The following ARHGAP15 variants were observed in gnomAD, a reference collection of about 807,000 sequenced individuals.
ARHGAP15 encodes Rho GTPase activating protein 15.
In ARHGAP15, 51 loss-of-function variants were observed where a neutral mutation model predicts 63.7. The ratio of observed to expected loss-of-function variants is 0.80; its 90% CI spans 0.64 to 1.01. ARHGAP15 has a LOEUF of 1.01. ARHGAP15 is among the 50% of genes least tolerant of loss of function. The probability of loss-of-function intolerance (pLI) is 0.00; values close to 1 mark genes in which losing one functional copy is unlikely to be tolerated. For missense variants in ARHGAP15, 560 were observed against 564.6 expected, an observed-to-expected ratio of 0.99 and a Z score of 0.08; for synonymous variants, 191 against 193.8, an observed-to-expected ratio of 0.99 and a Z score of 0.12.
intron 13 of ARHGAP15, among the ~76,000 whole-genome samples, chr2:143,733,254 A>G (rs1313868497): frequency 6.6e-6 from 1 of 152,178 alleles, no homozygotes; most frequent in Non-Finnish European, 1.5e-5. Flanking sequence ...GTCTAAGACA[A>G]GTTCTCAAGG....
At chr2:143,252,252 TTATG>T (rs2104983146) in intron 6 of ARHGAP15, among the ~76,000 whole-genome samples, 1 of 152,106 alleles carries the variant, frequency 6.6e-6, no homozygotes, top group African/African-American at 2.4e-5. Context: ...GATGAAAAAA[TTATG>T]TATATTTTTA....
intron 6 of ARHGAP15, among the ~76,000 whole-genome samples, chr2:143,341,950 C>T (rs1396198388): frequency 1.3e-5 from 2 of 152,066 alleles, no homozygotes; most frequent in African/African-American, 4.8e-5. Context: ...TATATAGTTT[C>T]AAACTTAAGA....
At chr2:143,666,095 G>A (rs1406661765) in intron 12 of ARHGAP15, among the ~76,000 whole-genome samples, 1 of 149,362 alleles carries the variant, frequency 6.7e-6, no homozygotes, top group African/African-American at 2.4e-5. Flanking sequence ...AACCAAAAAA[G>A]AGCCCACATC....
At chr2:143,290,220 G>A (rs1358474285) in intron 6 of ARHGAP15, among the ~76,000 whole-genome samples, 1 of 152,126 alleles carries the variant, frequency 6.6e-6, no homozygotes, top group Non-Finnish European at 1.5e-5. Context: ...TGAAAGTGAG[G>A]TGGTTGGGGT....
chr2:143,539,189 G>T (rs908882045), intron 10 of ARHGAP15, among the ~76,000 whole-genome samples: 1 of 152,188 alleles, frequency 6.6e-6, no homozygotes, highest in Non-Finnish European at 1.5e-5. Flanking sequence ...AGCATTCTCT[G>T]ATGGTAGTTT....
chr2:143,358,683 G>T (rs1000161673), intron 6 of ARHGAP15, among the ~76,000 whole-genome samples: 1 of 151,242 alleles, frequency 6.6e-6, no homozygotes, highest in Non-Finnish European at 1.5e-5. Flanking sequence ...AGATAGCTAT[G>T]CAACATATCT....
chr2:143,529,450 A>G (rs1190293310), intron 10 of ARHGAP15, among the ~76,000 whole-genome samples: 4 of 152,094 alleles, frequency 2.6e-5, no homozygotes, highest in Non-Finnish European at 1.5e-5. Context: ...TGCTGCCAAA[A>G]TGATCCCTCT....
At chr2:143,309,662 A>G (rs573171503) in intron 6 of ARHGAP15, among the ~76,000 whole-genome samples, 3 of 152,166 alleles carry the variant, frequency 2.0e-5, no homozygotes, top group Non-Finnish European at 4.4e-5. Context: ...ATCCCTAGGT[A>G]TGTATCAGGG....
At chr2:143,439,994 G>A (rs1361422203) in intron 8 of ARHGAP15, among the ~76,000 whole-genome samples, 4 of 151,858 alleles carry the variant, frequency 2.6e-5, no homozygotes. Flanking sequence ...TCTAATTTTA[G>A]AAAATGATTC....
chr2:143,678,539 G>T (rs1682936981), intron 12 of ARHGAP15, among the ~76,000 whole-genome samples: 1 of 152,144 alleles, frequency 6.6e-6, no homozygotes, highest in Non-Finnish European at 1.5e-5. Flanking sequence ...AGAAGCCCTG[G>T]TTTCTAATTT....
chr2:143,728,426 G>T (rs1685383032), intron 13 of ARHGAP15, among the ~76,000 whole-genome samples: 1 of 152,082 alleles, frequency 6.6e-6, no homozygotes, highest in African/African-American at 2.4e-5. Context: ...ATAAATTGGG[G>T]TGGGGTTAGG....
intron 11 of ARHGAP15, among the ~76,000 whole-genome samples, chr2:143,560,957 C>T (rs769767432): frequency 6.6e-6 from 1 of 152,196 alleles, no homozygotes; most frequent in African/African-American, 2.4e-5. Context: ...TTTGTGAAGG[C>T]ATCCCCAAAG....
chr2:143,453,401 C>T (rs1317547459), intron 8 of ARHGAP15, among the ~76,000 whole-genome samples: 2 of 151,884 alleles, frequency 1.3e-5, no homozygotes, highest in African/African-American at 2.4e-5. Flanking sequence ...TAGTATCTAC[C>T]TCACAGAGTT....
At chr2:143,473,334 G>A (rs1161622937) in intron 8 of ARHGAP15, among the ~76,000 whole-genome samples, 1 of 152,110 alleles carries the variant, frequency 6.6e-6, no homozygotes, top group Non-Finnish European at 1.5e-5. Flanking sequence ...TTCACAGGTG[G>A]CCTTTTCTTT....
At position 143,401,810 on chromosome 2, in the gene ARHGAP15, T is replaced by C. The variant is rs1006744397; in HGVS notation, c.475-33791T>C. Among the ~76,000 whole-genome samples, 8 of 152,058 alleles carry C rather than the reference T, an allele frequency of 5.3e-5. No homozygotes were observed. The South Asian group carries it at 6.2e-4, about 12-fold the overall frequency. On this transcript the variant is annotated intron_variant, in intron 6 of 13. Coordinates refer to ENST00000295095, the MANE Select transcript of ARHGAP15 (RefSeq NM_018460.4). ...TTTTTCCTATCGGTGGTGTGTGTCA[T>C]GCAAGACTCCATTGCAATATTTACA... is the stretch of plus-strand genomic sequence containing the variant.
intron 6 of ARHGAP15, among the ~76,000 whole-genome samples, chr2:143,388,964 TA>T (rs1687420819): frequency 6.6e-6 from 1 of 151,886 alleles, no homozygotes. Context: ...TTTAATTTGG[TA>T]AACTAGTAGT....
intron 6 of ARHGAP15, among the ~76,000 whole-genome samples, chr2:143,318,497 C>T (rs1683831699): frequency 7.3e-6 from 1 of 136,260 alleles, no homozygotes; most frequent in Non-Finnish European, 1.5e-5. Context: ...ACTTCACTTC[C>T]AGATTAAGGG....
chr2:143,715,392 G>A (rs770862912), intron 13 of ARHGAP15, among the ~76,000 whole-genome samples: 2 of 152,064 alleles, frequency 1.3e-5, no homozygotes, highest in Non-Finnish European at 2.9e-5. Context: ...CATATCACCT[G>A]GAATCTTAGA....
intron 2 of ARHGAP15, among the ~76,000 whole-genome samples, chr2:143,199,592 A>G (rs941455467): frequency 6.6e-6 from 1 of 152,046 alleles, no homozygotes; most frequent in East Asian, 1.9e-4. Context: ...AAGAGAGGAC[A>G]TGGAGGGGAA....
Sources: gnomAD v4.1 joint callset for allele counts (sites outside exome capture counted in the v4.1 genomes callset) on GRCh38, gnomAD v4.1.1 for gene constraint, MANE v1.5 for transcripts, NCBI Gene and HGNC (gene_info 2026-07-23, HGNC 2026-07-21) for gene names.